The following TGDS variants were observed in gnomAD, a reference collection of about 807,000 sequenced individuals.
TGDS encodes the protein UDP-D-glucose 4,6-dehydratase.
Under a neutral mutation model 52.3 loss-of-function variants are expected in TGDS, and 47 were observed. That is an observed-to-expected ratio of 0.90 (90% CI 0.71 to 1.15). TGDS has a LOEUF of 1.15. Ranked by LOEUF, TGDS falls within the 50% of genes most tolerant of loss-of-function variation. The probability of loss-of-function intolerance (pLI) is 0.00; values close to 1 mark genes in which losing one functional copy is unlikely to be tolerated. For synonymous variants in TGDS, 115 were observed against 136.9 expected (o/e 0.84, Z 1.12); for missense variants, 375 against 418.4 (o/e 0.90, Z 0.90).
chr13:94,592,209 G>T, intron 3 of TGDS, 32 bp downstream of exon 3: 1 of 1,513,024 alleles, frequency 6.6e-7, no homozygotes, highest in African/African-American at 1.4e-5. Flanking sequence ...TGACTAAAGA[G>T]GCACGGTACA....
chr13:94,589,036 T>C (rs1889099394), intron 4 of TGDS, among the ~76,000 whole-genome samples: 2 of 152,120 alleles, frequency 1.3e-5, no homozygotes, highest in African/African-American at 4.8e-5. Context: ...AAAGATAATA[T>C]ACAAAAATAC....
intron 4 of TGDS, among the ~76,000 whole-genome samples, chr13:94,584,090 CAAT>C (rs145221122): frequency 0.012 from 1,765 of 152,274 alleles, 35 homozygotes; most frequent in African/African-American, 0.04. Context: ...TGTACACTGA[CAAT>C]GATGATGTAA....
chr13:94,588,421 CAAAAAAAAAAAAA>C (rs150186125), intron 4 of TGDS, among the ~76,000 whole-genome samples: 1 of 58,492 alleles, frequency 1.7e-5, no homozygotes, highest in Non-Finnish European at 2.9e-5. Context: ...GACTCTGTCT[CAAAAAAAAAAAAA>C]AAAAAAAAAA....
intron 7 of TGDS, 69 bp from the exon 8 acceptor site, chr13:94,578,842 A>G: frequency 3.1e-6 from 3 of 969,692 alleles, no homozygotes; most frequent in East Asian, 5.1e-5. Flanking sequence ...AACTCATACC[A>G]AAATTAAAAG....
chr13:94,587,289 T>C (rs1889025348), intron 4 of TGDS, among the ~76,000 whole-genome samples: 1 of 152,192 alleles, frequency 6.6e-6, no homozygotes, highest in Admixed American at 6.5e-5. Context: ...AAATTCATTA[T>C]ATAGAAAACA....
At chr13:94,583,723 A>G (rs1888882451) in intron 4 of TGDS, among the ~76,000 whole-genome samples, 1 of 152,188 alleles carries the variant, frequency 6.6e-6, no homozygotes. Context: ...AGAGGATGAT[A>G]AATTTGACCA....
intron 5 of TGDS, among the ~76,000 whole-genome samples, chr13:94,582,130 G>GGAGGTT (rs1333076314): frequency 4.6e-5 from 7 of 151,954 alleles, no homozygotes; most frequent in Non-Finnish European, 8.8e-5. Context: ...CCTGGGAGGC[G>GGAGGTT]GAGGTTGTGG....
At chr13:94,593,139 T>G (rs1433346201) in intron 2 of TGDS, among the ~76,000 whole-genome samples, 2 of 151,328 alleles carry the variant, frequency 1.3e-5, no homozygotes, top group African/African-American at 4.9e-5. Context: ...GGCAACAGAG[T>G]GAGAGTCCAT....
rs143039521 is a variant in TGDS, at chr13:94,581,513, G to A, written c.457-324C>T. On this transcript the variant is annotated intron_variant, in intron 5 of 11. Transcript: ENST00000261296. ...GAAGGCCATACCCTTGAAGGCCACC[G>A]TAAAACAATGACTGATTTTGAGCAG... Among the ~76,000 whole-genome samples the A allele has an allele frequency of 2.9e-4, 44 of 152,292 alleles. No individual in the cohort carries two copies. In the East Asian group the frequency reaches 5.6e-3, roughly 19 times the overall value.
chr13:94,581,044 T>G (rs769805211), intron 6 of TGDS, 47 bp downstream of exon 6: 3 of 1,162,730 alleles, frequency 2.6e-6, no homozygotes, highest in South Asian at 4.0e-5. Flanking sequence ...TTTTAACACT[T>G]AAGTCCAAAG....
At chr13:94,589,908 T>C (rs896107663) in intron 4 of TGDS, among the ~76,000 whole-genome samples, 1 of 152,102 alleles carries the variant, frequency 6.6e-6, no homozygotes, top group Non-Finnish European at 1.5e-5. Flanking sequence ...TATGATCTGT[T>C]ATATAGCCAA....
At chr13:94,588,280 G>A (rs1484564825) in intron 4 of TGDS, among the ~76,000 whole-genome samples, 2 of 151,224 alleles carry the variant, frequency 1.3e-5, no homozygotes, top group Non-Finnish European at 3.0e-5. Flanking sequence ...AAAATTAGCT[G>A]GGCGTGGTGG....
intron 2 of TGDS, 40 bp downstream of exon 2, chr13:94,593,801 T>C (rs1889284438): frequency 1.5e-6 from 2 of 1,293,640 alleles, no homozygotes; most frequent in African/African-American, 3.0e-5. Context: ...TAAATTGAAA[T>C]GTAATTTCAG....
At chr13:94,587,465 G>A (rs1289145744) in intron 4 of TGDS, among the ~76,000 whole-genome samples, 2 of 152,080 alleles carry the variant, frequency 1.3e-5, no homozygotes. Flanking sequence ...AATAGTATAA[G>A]CACAGACAAA....
intron 4 of TGDS, among the ~76,000 whole-genome samples, chr13:94,587,450 G>A (rs1889031535): frequency 6.6e-6 from 1 of 152,146 alleles, no homozygotes. Context: ...TTAAGACAGT[G>A]TGATAATAGT....
chr13:94,592,498 G>C (rs957035728), intron 2 of TGDS, among the ~76,000 whole-genome samples, 189 bp from the exon 3 acceptor site: 3 of 152,118 alleles, frequency 2.0e-5, no homozygotes, highest in Non-Finnish European at 4.4e-5. Context: ...TGTTGCCCAG[G>C]CTGTAGTGCA....
intron 4 of TGDS, among the ~76,000 whole-genome samples, chr13:94,584,215 C>G (rs1888901238): frequency 1.3e-5 from 2 of 152,182 alleles, no homozygotes; most frequent in Non-Finnish European, 2.9e-5. Context: ...CATAATTCAT[C>G]TTAAGGCCTA....
In TGDS at chr13:94,593,909, T is replaced by A. The variant is rs1025621498; in HGVS notation, c.87-2A>T. On this transcript the variant is annotated splice_acceptor_variant, in intron 1 of 11. Coordinates refer to ENST00000261296, the MANE Select transcript of TGDS (RefSeq NM_014305.4). LOFTEE classifies it high-confidence loss of function. ...AAAGAGACAATCATATGTGATGCAC[T>A]ATGGAAAAAAAGTATATCTTGTTAG... 1.3e-6 allele frequency: 2 copies of A among 1,550,782 alleles called. No homozygotes were observed. Among genetic ancestry groups the A allele is most frequent in the Non-Finnish European group, 8.7e-7 (1 of 1,145,158 alleles).
At chr13:94,590,649 C>T (rs760517037) in intron 4 of TGDS, among the ~76,000 whole-genome samples, 10 of 152,130 alleles carry the variant, frequency 6.6e-5, no homozygotes, top group Admixed American at 1.3e-4. Context: ...AGTTTTCAGA[C>T]AGCAGTCAAG....
Sources: gnomAD v4.1 joint callset for allele counts (sites outside exome capture counted in the v4.1 genomes callset) on GRCh38, gnomAD v4.1.1 for gene constraint, MANE v1.5 for transcripts, NCBI Gene and HGNC (gene_info 2026-07-23, HGNC 2026-07-21) for gene names.